Variants in DGKB observed in about 807,000 individuals in gnomAD.
The protein encoded by DGKB is diacylglycerol kinase beta.
DGKB carries 67 observed loss-of-function variants against 114.3 expected under a neutral mutation model. The observed-to-expected ratio is 0.59, with a 90% CI of 0.48 to 0.72. DGKB has a LOEUF of 0.72. Ranked by LOEUF, DGKB falls within the 30% of genes least tolerant of loss-of-function variation. The pLI is 0.00. For missense variants in DGKB, 907 were observed against 975.2 expected (o/e 0.93, Z 0.93); for synonymous variants, 398 against 323.1 (o/e 1.23, Z -2.49).
chr7:14,147,323 T>G lies in DGKB; in HGVS notation c.*1808A>C, dbSNP rs1781581697. Reference sequence around the variant, plus strand: ...ATGCTAAATTATGTCTTAATTTTATTCAAAAGCTTTTATTTTTAAAGTAAT... The same window carrying G: ...ATGCTAAATTATGTCTTAATTTTATGCAAAAGCTTTTATTTTTAAAGTAAT... On this transcript the variant is annotated 3_prime_UTR_variant, in exon 26 of 26. Coordinates refer to ENST00000402815, the MANE Select transcript of DGKB (RefSeq NM_001350709.2). 1 of 152,198 alleles carries G rather than the reference T, an allele frequency of 6.6e-6. No individual in the cohort carries two copies. Among genetic ancestry groups the G allele is most frequent in the African/African-American group, 2.4e-5 (1 of 41,468 alleles). The allele number at this position is 152,198 out of a possible 1,614,324, so 9.4% of individuals were successfully genotyped here.
chr7:14,618,706 A>C (rs1288833504), intron 15 of DGKB, among the ~76,000 whole-genome samples: 1 of 151,558 alleles, frequency 6.6e-6, no homozygotes, highest in Non-Finnish European at 1.5e-5. Flanking sequence ...AAGGTTATAC[A>C]TGATCTATTA....
intron 15 of DGKB, among the ~76,000 whole-genome samples, chr7:14,620,154 G>T (rs1807338485): frequency 6.6e-6 from 1 of 150,838 alleles, no homozygotes; most frequent in Admixed American, 6.6e-5. Context: ...TAAACATATG[G>T]ATATGAGTTC....
chr7:14,803,187 C>T (rs1842397786), intron 2 of DGKB, among the ~76,000 whole-genome samples: 3 of 152,162 alleles, frequency 2.0e-5, no homozygotes, highest in Non-Finnish European at 4.4e-5. Flanking sequence ...AGCGATCCTC[C>T]TGCCTCATCC....
intron 20 of DGKB, among the ~76,000 whole-genome samples, chr7:14,496,592 A>C (rs80123436): frequency 0.022 from 3,308 of 151,924 alleles, 50 homozygotes; most frequent in Non-Finnish European, 0.032. Context: ...AAAGACAAAA[A>C]TTAAATAAAA....
chr7:14,353,594 A>G (rs1813898026), intron 21 of DGKB, among the ~76,000 whole-genome samples: 1 of 152,312 alleles, frequency 6.6e-6, no homozygotes, highest in Non-Finnish European at 1.5e-5. Flanking sequence ...TACTCGTGAG[A>G]GATACATAAA....
chr7:14,338,568 G>A lies in DGKB; in HGVS notation c.2069C>T (p.Ser690Phe). 3 of 1,607,554 alleles carry A rather than the reference G, an allele frequency of 1.9e-6. No homozygotes were observed. In the East Asian group the frequency reaches 6.7e-5, roughly 36 times the overall value. ...RSHRRIEKKGSDKRTTVTDAK... is the reference protein window; with the variant it reads ...RSHRRIEKKGFDKRTTVTDAK... ...ATCTGTGACGGTGGTCCTTTTGTCA[G>A]ACCCTTTTTTCTCTATTCGTCGATG... The change falls in exon 23 of 26, where the codon TCT becomes TTT. Residue 690 changes from serine (S) to phenylalanine (F), a missense_variant. By Grantham distance (155) the Ser-to-Phe change is radical. Transcript: ENST00000402815.
At chr7:14,569,786 T>C (rs1798106935) in intron 20 of DGKB, among the ~76,000 whole-genome samples, 1 of 151,970 alleles carries the variant, frequency 6.6e-6, no homozygotes, top group South Asian at 2.1e-4. Flanking sequence ...TAGTTATATA[T>C]TAAATGTATA....
chr7:14,724,925 T>C (rs898085516), intron 5 of DGKB, among the ~76,000 whole-genome samples: 1 of 152,210 alleles, frequency 6.6e-6, no homozygotes, highest in Admixed American at 6.5e-5. Flanking sequence ...ATCCTAGTGT[T>C]TTGGGAGGCC....
intron 9 of DGKB, among the ~76,000 whole-genome samples, chr7:14,692,296 G>C (rs1238337462): frequency 6.6e-6 from 1 of 151,882 alleles, no homozygotes; most frequent in South Asian, 2.1e-4. Context: ...GCTCATTCCT[G>C]CATCTTCCCT....
chr7:14,375,620 C>A (rs904224151), intron 21 of DGKB, among the ~76,000 whole-genome samples: 1 of 152,198 alleles, frequency 6.6e-6, no homozygotes, highest in Admixed American at 6.5e-5. Flanking sequence ...CCTTCCAGGT[C>A]TCTCTTCGAA....
intron 21 of DGKB, among the ~76,000 whole-genome samples, chr7:14,445,380 G>T (rs1830590617): frequency 6.6e-6 from 1 of 151,898 alleles, no homozygotes; most frequent in African/African-American, 2.4e-5. Flanking sequence ...CCAAGCAAAA[G>T]TCAATTGATA....
At chr7:14,545,415 T>G (rs1388226394) in intron 20 of DGKB, among the ~76,000 whole-genome samples, 1 of 152,168 alleles carries the variant, frequency 6.6e-6, no homozygotes. Context: ...GCAAAGAGAT[T>G]GGGACTCTTT....
rs1342060180 is a variant in DGKB at position 14,418,243 on chromosome 7, ATG to A, written c.1835+59916_1835+59917del. 8.5e-5 allele frequency among the ~76,000 whole-genome samples: 11 copies of A among 129,252 alleles called. No homozygotes were observed. In the East Asian group the frequency reaches 1.3e-3, roughly 16 times the overall value. The allele number at this position is 129,252 out of a possible 152,430, so 84.8% of individuals were successfully genotyped here. On this transcript the variant is annotated intron_variant, in intron 21 of 25. Coordinates refer to ENST00000402815, the MANE Select transcript of DGKB (RefSeq NM_001350709.2). ...TTATATATGTACATATATTTTATAT[ATG>A]TGTGTATATATTATATATGTATATA...
intron 1 of DGKB, among the ~76,000 whole-genome samples, chr7:14,959,036 G>C (rs1295446225): frequency 6.6e-6 from 1 of 152,034 alleles, no homozygotes. Context: ...TATTGATTTG[G>C]TGTTTTATAT....
At chr7:14,879,861 TTGTTTTCTCTCATAA>T (rs1368603603) in intron 1 of DGKB, among the ~76,000 whole-genome samples, 1 of 152,196 alleles carries the variant, frequency 6.6e-6, no homozygotes, top group African/African-American at 2.4e-5. Context: ...TGTCTGATTC[TTGTTTTCTCTCATAA>T]TAGGAATCTA....
chr7:14,279,669 G>A (rs115467795), intron 23 of DGKB, among the ~76,000 whole-genome samples: 1,824 of 152,202 alleles, frequency 0.012, 38 homozygotes, highest in African/African-American at 0.041. Context: ...CGACCTCAAA[G>A]GCAGACTGCC....
At chr7:14,405,019 T>C (rs1285708032) in intron 21 of DGKB, among the ~76,000 whole-genome samples, 1 of 151,840 alleles carries the variant, frequency 6.6e-6, no homozygotes, top group African/African-American at 2.4e-5. Context: ...TCCAGATTTA[T>C]ATCTAAAATT....
At chr7:14,833,545 C>A (rs2128126372) in intron 2 of DGKB, among the ~76,000 whole-genome samples, 1 of 152,206 alleles carries the variant, frequency 6.6e-6, no homozygotes, top group East Asian at 1.9e-4. Context: ...GGCTTGACTT[C>A]TTCTCAGGAG....
intron 23 of DGKB, among the ~76,000 whole-genome samples, chr7:14,317,419 T>A (rs1806793039): frequency 6.8e-6 from 1 of 147,670 alleles, no homozygotes; most frequent in Non-Finnish European, 1.5e-5. Context: ...CTTAAGCTGA[T>A]AAGCAACTTC....
Sources: gnomAD v4.1 joint callset for allele counts (sites outside exome capture counted in the v4.1 genomes callset) on GRCh38, gnomAD v4.1.1 for gene constraint, MANE v1.5 for transcripts, NCBI Gene and HGNC (gene_info 2026-07-23, HGNC 2026-07-21) for gene names.